Variants in VTI1A observed in about 807,000 individuals in gnomAD.
VTI1A encodes the protein vesicle transport through interaction with t-SNAREs homolog 1A.
In VTI1A, 22 loss-of-function variants were observed where a neutral mutation model predicts 34.9. The ratio of observed to expected loss-of-function variants is 0.63; its 90% CI spans 0.45 to 0.90. The LOEUF (loss-of-function observed/expected upper bound fraction) is 0.90, where lower values mean the gene tolerates loss of function less well. VTI1A is among the 40% of genes least tolerant of loss of function. The pLI is 0.00. For synonymous variants in VTI1A, 87 were observed against 97.3 expected (o/e 0.89, Z 0.62); for missense variants, 268 against 275.6 (o/e 0.97, Z 0.20).
At chr10:112,464,771 C>A in intron 3 of VTI1A, 114 bp downstream of exon 3, 1 of 851,140 alleles carries the variant, frequency 1.2e-6, no homozygotes, top group Non-Finnish European at 1.9e-6. Flanking sequence ...AGACAAGTAA[C>A]AGCTTTCATT....
intron 7 of VTI1A, among the ~76,000 whole-genome samples, chr10:112,740,369 A>C (rs951915314): frequency 2.0e-5 from 3 of 152,162 alleles, no homozygotes; most frequent in Non-Finnish European, 4.4e-5. Context: ...GGCACACTGC[A>C]ACCTCCGCCT....
chr10:112,642,363 C>G (rs372741668), intron 5 of VTI1A, among the ~76,000 whole-genome samples: 2 of 152,158 alleles, frequency 1.3e-5, no homozygotes, highest in Admixed American at 1.3e-4. Context: ...CTGATCCCCC[C>G]CTCTCCATCA....
chr10:112,553,462 C>G (rs375653502), intron 5 of VTI1A, among the ~76,000 whole-genome samples: 1 of 152,204 alleles, frequency 6.6e-6, no homozygotes, highest in African/African-American at 2.4e-5. Context: ...TCCATTTGTA[C>G]TAATTTGCAT....
chr10:112,464,571 C>A lies in VTI1A; in HGVS notation c.178C>A (p.Arg60=). 1.2e-6 allele frequency: 2 copies of A among 1,612,516 alleles called. No homozygotes were observed. The highest frequency in any genetic ancestry group is 1.7e-6 in the Non-Finnish European group (2 of 1,179,056). ...GCTTGAACAGATGGATTTGGAAGTCCGAGAGATACCACCCCAAAGTCGAGG... is the reference window on the plus strand; with the variant it reads ...GCTTGAACAGATGGATTTGGAAGTCAGAGAGATACCACCCCAAAGTCGAGG... The part of the protein sequence containing the change: ...ELLEQMDLEV[R]EIPPQSRGMY... The change falls in exon 3 of 8, where the codon CGA becomes AGA. Residue 60 remains arginine, a synonymous_variant. Transcript: ENST00000393077.
the VTI1A span, chr10:112,825,984 A>C: frequency 6.6e-6 from 1 of 152,236 alleles, no homozygotes; most frequent in African/African-American, 2.4e-5. Context: ...TTAACTAGCA[A>C]ATTTAAAACA....
chr10:112,486,455 A>C (rs1187375089), intron 3 of VTI1A, among the ~76,000 whole-genome samples: 3 of 152,114 alleles, frequency 2.0e-5, no homozygotes, highest in African/African-American at 7.2e-5. Flanking sequence ...ACACATTTGG[A>C]AATCCTTATT....
intron 5 of VTI1A, among the ~76,000 whole-genome samples, chr10:112,585,178 A>T (rs143862422): frequency 6.6e-6 from 1 of 152,354 alleles, no homozygotes; most frequent in African/African-American, 2.4e-5. Flanking sequence ...GTCGATTCAC[A>T]TCTCCTAACT....
intron 5 of VTI1A, among the ~76,000 whole-genome samples, chr10:112,627,141 G>A (rs1845951576): frequency 6.6e-6 from 1 of 152,150 alleles, no homozygotes; most frequent in Non-Finnish European, 1.5e-5. Context: ...AATCTTGGAT[G>A]ATTTTTAAAA....
At chr10:112,591,250 G>A (rs1844374751) in intron 5 of VTI1A, among the ~76,000 whole-genome samples, 1 of 152,206 alleles carries the variant, frequency 6.6e-6, no homozygotes, top group Admixed American at 6.5e-5. Context: ...ACCGGGCGTG[G>A]TGGCTCACGC....
At chr10:112,558,123 C>T (rs895891839) in intron 5 of VTI1A, among the ~76,000 whole-genome samples, 2 of 152,070 alleles carry the variant, frequency 1.3e-5, no homozygotes, top group African/African-American at 2.4e-5. Context: ...AATCAAGGCA[C>T]ATTTAGTGAA....
chr10:112,850,304 G>T, the VTI1A span, among the ~76,000 whole-genome samples: 1 of 151,278 alleles, frequency 6.6e-6, no homozygotes, highest in Non-Finnish European at 1.5e-5. Flanking sequence ...CTGGTGTGAT[G>T]TGGTTTGTCT....
At chr10:112,775,463 C>T (rs1001577379) in intron 7 of VTI1A, among the ~76,000 whole-genome samples, 1 of 152,212 alleles carries the variant, frequency 6.6e-6, no homozygotes, top group Non-Finnish European at 1.5e-5. Flanking sequence ...TTGCAATGAT[C>T]TGAAATAACC....
intron 2 of VTI1A, among the ~76,000 whole-genome samples, chr10:112,463,552 A>G (rs1564787164): frequency 6.6e-6 from 1 of 151,914 alleles, no homozygotes; most frequent in Non-Finnish European, 1.5e-5. Context: ...TGCCTAAACC[A>G]TTATAGTATT....
intron 5 of VTI1A, among the ~76,000 whole-genome samples, chr10:112,540,651 C>A (rs1206513603): frequency 1.3e-5 from 2 of 152,178 alleles, no homozygotes; most frequent in Non-Finnish European, 2.9e-5. Flanking sequence ...AAGGAATACA[C>A]TGGGGTGGGC....
At chr10:112,665,945 A>G (rs975552698) in intron 5 of VTI1A, among the ~76,000 whole-genome samples, 2 of 152,194 alleles carry the variant, frequency 1.3e-5, no homozygotes, top group African/African-American at 4.8e-5. Context: ...AATCTGATAT[A>G]AATAGTATTT....
chr10:112,531,064 C>CAG (rs1850411880), intron 4 of VTI1A, among the ~76,000 whole-genome samples: 2 of 5,474 alleles, frequency 3.7e-4, no homozygotes, highest in Admixed American at 1.7e-3. Flanking sequence ...TGACACACCT[C>CAG]ACACACACAC....
chr10:112,677,062 G>T (rs940255926), intron 7 of VTI1A, among the ~76,000 whole-genome samples: 1 of 152,130 alleles, frequency 6.6e-6, no homozygotes, highest in Non-Finnish European at 1.5e-5. Flanking sequence ...ATTTGGATTG[G>T]TTCTGGTTAG....
At chr10:112,479,038 G>C (rs1024402135) in intron 3 of VTI1A, among the ~76,000 whole-genome samples, 1 of 152,068 alleles carries the variant, frequency 6.6e-6, no homozygotes, top group African/African-American at 2.4e-5. Context: ...GTGGTGGCAC[G>C]CGCCTGTAAT....
chr10:112,699,304 G>T (rs1848907590), intron 7 of VTI1A, among the ~76,000 whole-genome samples: 1 of 152,206 alleles, frequency 6.6e-6, no homozygotes, highest in Non-Finnish European at 1.5e-5. Flanking sequence ...GTTTCTCACA[G>T]TTCTGGAGGT....
Sources: gnomAD v4.1 joint callset for allele counts (sites outside exome capture counted in the v4.1 genomes callset) on GRCh38, gnomAD v4.1.1 for gene constraint, MANE v1.5 for transcripts, NCBI Gene and HGNC (gene_info 2026-07-23, HGNC 2026-07-21) for gene names.